Variants in SDK1 observed in about 807,000 individuals in gnomAD.
SDK1 encodes the protein sidekick cell adhesion molecule 1.
In SDK1, 157 loss-of-function variants were observed where a neutral mutation model predicts 245.5. The observed-to-expected ratio is 0.64, with a 90% CI of 0.56 to 0.73. The LOEUF is 0.73. Ranked by LOEUF, SDK1 falls within the 30% of genes least tolerant of loss-of-function variation. SDK1 has a pLI of 0.00. For missense variants in SDK1, 3,583 were observed against 3,002.3 expected (o/e 1.19, Z -4.52); for synonymous variants, 1,647 against 1,278.5 (o/e 1.29, Z -6.15).
chr7:3,564,432 T>A (rs1422689548), intron 1 of SDK1, among the ~76,000 whole-genome samples: 1 of 151,984 alleles, frequency 6.6e-6, no homozygotes, highest in Non-Finnish European at 1.5e-5. Context: ...GAGGTTGCAG[T>A]GAGCCGAGAT....
intron 12 of SDK1, 109 bp downstream of exon 12, chr7:3,971,677 A>G (rs1782498959): frequency 7.4e-6 from 6 of 807,900 alleles, no homozygotes; most frequent in South Asian, 7.4e-5. Context: ...TTTCAGCAGC[A>G]GGTCCCTGAT....
chr7:3,991,734 C>T (rs1784344049), intron 14 of SDK1, among the ~76,000 whole-genome samples: 2 of 152,136 alleles, frequency 1.3e-5, no homozygotes, highest in African/African-American at 4.8e-5. Flanking sequence ...ATGGTTGCCT[C>T]CTGCCTGTTC....
At chr7:3,373,248 C>A (rs1254450289) in intron 1 of SDK1, among the ~76,000 whole-genome samples, 1 of 152,154 alleles carries the variant, frequency 6.6e-6, no homozygotes, top group Non-Finnish European at 1.5e-5. Context: ...TCACCTAACA[C>A]GAATCCTGTC....
intron 4 of SDK1, among the ~76,000 whole-genome samples, chr7:3,772,450 A>T (rs554917745): frequency 2.0e-5 from 3 of 152,324 alleles, no homozygotes; most frequent in South Asian, 4.1e-4. Flanking sequence ...TTCCAAAAAC[A>T]TCAATAATTT....
chr7:3,445,112 A>G (rs1262549844), intron 1 of SDK1, among the ~76,000 whole-genome samples: 1 of 152,148 alleles, frequency 6.6e-6, no homozygotes, highest in Admixed American at 6.5e-5. Flanking sequence ...AAAATGCCTT[A>G]CTCTGTTGAA....
intron 1 of SDK1, among the ~76,000 whole-genome samples, chr7:3,582,831 A>T (rs1355266661): frequency 2.6e-5 from 4 of 152,134 alleles, no homozygotes; most frequent in Non-Finnish European, 4.4e-5. Flanking sequence ...CTTCCCCAGC[A>T]ACCCCTACCT....
At chr7:3,949,414 G>A (rs540737125) in intron 5 of SDK1, among the ~76,000 whole-genome samples, 6 of 152,220 alleles carry the variant, frequency 3.9e-5, no homozygotes, top group East Asian at 1.9e-4. Context: ...TGAGAAGCCC[G>A]TCGTCTCTTT....
At chr7:3,577,450 C>T (rs1269639417) in intron 1 of SDK1, among the ~76,000 whole-genome samples, 3 of 150,542 alleles carry the variant, frequency 2.0e-5, no homozygotes, top group Non-Finnish European at 4.4e-5. Flanking sequence ...TTACTGTTGC[C>T]CCTGGACTTC....
chr7:3,900,775 A>G (rs1180776954), intron 5 of SDK1, among the ~76,000 whole-genome samples: 1 of 151,532 alleles, frequency 6.6e-6, no homozygotes, highest in African/African-American at 2.4e-5. Flanking sequence ...GCTCTGTCAC[A>G]CACTCGTTTT....
chr7:4,040,769 G>A (rs879881008), intron 17 of SDK1, among the ~76,000 whole-genome samples: 1 of 152,130 alleles, frequency 6.6e-6, no homozygotes, highest in African/African-American at 2.4e-5. Flanking sequence ...ATGCGGATGG[G>A]TTATCTCCCC....
At chr7:3,768,094 G>T (rs1780305986) in intron 4 of SDK1, among the ~76,000 whole-genome samples, 1 of 152,170 alleles carries the variant, frequency 6.6e-6, no homozygotes, top group Non-Finnish European at 1.5e-5. Context: ...ACAATCCCAG[G>T]CTCTTGATTG....
chr7:4,002,235 G>C (rs914032127), intron 14 of SDK1, among the ~76,000 whole-genome samples: 6 of 57,160 alleles, frequency 1.0e-4, no homozygotes, highest in Admixed American at 2.5e-4. Context: ...GCCCGTCTCT[G>C]AGTCTGGGCT....
At chr7:3,344,646 G>A (rs1780445063) in intron 1 of SDK1, among the ~76,000 whole-genome samples, 2 of 148,590 alleles carry the variant, frequency 1.3e-5, no homozygotes, top group Middle Eastern at 3.4e-3. Flanking sequence ...CTCAGAATAG[G>A]TGGATATCGT....
At chr7:3,472,267 G>A (rs1781208785) in intron 1 of SDK1, among the ~76,000 whole-genome samples, 1 of 152,038 alleles carries the variant, frequency 6.6e-6, no homozygotes, top group Admixed American at 6.5e-5. Flanking sequence ...TAATACCTTT[G>A]ACTAGCTGGG....
intron 1 of SDK1, among the ~76,000 whole-genome samples, chr7:3,342,790 A>C (rs1032233687): frequency 1.1e-4 from 16 of 152,210 alleles, no homozygotes; most frequent in African/African-American, 3.6e-4. Flanking sequence ...CTGTCTGCCA[A>C]GAGACTAATA....
intron 19 of SDK1, among the ~76,000 whole-genome samples, chr7:4,053,114 A>C (rs545139885): frequency 1.1e-3 from 172 of 149,848 alleles, no homozygotes; most frequent in African/African-American, 4.1e-3. Flanking sequence ...AAAAATTAGG[A>C]AAATTATTTT....
chr7:3,500,479 T>C (rs1782162174), intron 1 of SDK1, among the ~76,000 whole-genome samples: 1 of 152,218 alleles, frequency 6.6e-6, no homozygotes, highest in Non-Finnish European at 1.5e-5. Flanking sequence ...TCCATTGACT[T>C]CTTGCTTCCA....
At chr7:3,657,564 C>A (rs1343651227) in intron 4 of SDK1, among the ~76,000 whole-genome samples, 1 of 151,936 alleles carries the variant, frequency 6.6e-6, no homozygotes, top group East Asian at 1.9e-4. Flanking sequence ...CACTTTCTGC[C>A]TGTGAGCAAG....
At chr7:3,953,335 C>T (rs1392870829) in intron 7 of SDK1, among the ~76,000 whole-genome samples, 3 of 152,202 alleles carry the variant, frequency 2.0e-5, no homozygotes, top group Non-Finnish European at 4.4e-5. Context: ...ACCTGTCGGT[C>T]CCTCTGAAAG....
Sources: gnomAD v4.1 joint callset for allele counts (sites outside exome capture counted in the v4.1 genomes callset) on GRCh38, gnomAD v4.1.1 for gene constraint, MANE v1.5 for transcripts, NCBI Gene and HGNC (gene_info 2026-07-23, HGNC 2026-07-21) for gene names.